Variants in PHF24 observed in about 807,000 individuals in gnomAD.
PHF24 encodes the protein PHD finger protein 24.
Under a neutral mutation model 42.6 loss-of-function variants are expected in PHF24, and 25 were observed. That is an observed-to-expected ratio of 0.59 (90% CI 0.43 to 0.82). The LOEUF (loss-of-function observed/expected upper bound fraction) is 0.82. Ranked by LOEUF, PHF24 falls within the 40% of genes least tolerant of loss-of-function variation. The pLI is 0.00. For missense variants in PHF24, 470 were observed against 538.1 expected (o/e 0.87, Z 1.25); for synonymous variants, 185 against 204.8 (o/e 0.90, Z 0.83).
At chr9:34,978,085 G>A in exon 8 of PHF24, 1 of 1,614,132 alleles carries the variant, frequency 6.2e-7, no homozygotes, top group Non-Finnish European at 8.5e-7. Context: ...CAACAGCGCA[G>A]CCATTCACCT....
At chr9:34,835,918 A>C in the PHF24 span, 1 of 792,504 alleles carries the variant, frequency 1.3e-6, no homozygotes, top group Non-Finnish European at 2.2e-6. Flanking sequence ...ACTCCTCGAC[A>C]AAGTTGGGGA....
the PHF24 span, among the ~76,000 whole-genome samples, chr9:34,742,681 T>C: frequency 0.96 from 146,572 of 152,168 alleles, 70,854 homozygotes; most frequent in East Asian, 1. Context: ...CCTCCTGCCT[T>C]GGCCTCCCAA....
chr9:34,870,837 A>G, the PHF24 span, among the ~76,000 whole-genome samples: 2 of 152,218 alleles, frequency 1.3e-5, no homozygotes, highest in Non-Finnish European at 2.9e-5. Flanking sequence ...TGGACATACT[A>G]AAGTTTATTC....
chr9:34,921,177 G>T, the PHF24 span, among the ~76,000 whole-genome samples: 3 of 147,576 alleles, frequency 2.0e-5, no homozygotes, highest in East Asian at 4.0e-4. Context: ...ATACCCAGTT[G>T]TTTTTTTTTT....
the PHF24 span, among the ~76,000 whole-genome samples, chr9:34,774,113 A>T: frequency 6.6e-6 from 1 of 152,312 alleles, no homozygotes; most frequent in South Asian, 2.1e-4. Context: ...TGAGTCAGAG[A>T]CCTAAATGTA....
the PHF24 span, among the ~76,000 whole-genome samples, chr9:34,913,146 AG>A: frequency 2.0e-5 from 3 of 152,098 alleles, no homozygotes; most frequent in African/African-American, 7.2e-5. Context: ...TGAAAAACAG[AG>A]AAAAAAAAAT....
At chr9:34,681,068 A>G in the PHF24 span, 1 of 152,208 alleles carries the variant, frequency 6.6e-6, no homozygotes, top group Non-Finnish European at 1.5e-5. Context: ...TTTAAGCAAG[A>G]ATTTCCCTTG....
chr9:34,715,285 T>C, the PHF24 span, among the ~76,000 whole-genome samples: 1 of 151,818 alleles, frequency 6.6e-6, no homozygotes, highest in Non-Finnish European at 1.5e-5. Flanking sequence ...TGAAGCAGGG[T>C]AGAAGAGAGT....
At chr9:34,718,395 A>G in the PHF24 span, among the ~76,000 whole-genome samples, 1 of 151,934 alleles carries the variant, frequency 6.6e-6, no homozygotes, top group East Asian at 1.9e-4. Context: ...GAATGCACAG[A>G]CCTCTGCAAG....
the PHF24 span, among the ~76,000 whole-genome samples, chr9:34,875,940 A>ACTCTCTCTCTCTCT: frequency 4.5e-5 from 4 of 89,220 alleles, no homozygotes; most frequent in African/African-American, 1.8e-4. Flanking sequence ...ACACACACAC[A>ACTCTCTCTCTCTCT]CACACACACA....
the PHF24 span, among the ~76,000 whole-genome samples, chr9:34,851,857 G>A: frequency 6.6e-6 from 1 of 152,030 alleles, no homozygotes; most frequent in African/African-American, 2.4e-5. Context: ...TTTACATCTT[G>A]TCTTTTAACT....
chr9:34,906,584 C>T, the PHF24 span, among the ~76,000 whole-genome samples: 1 of 142,832 alleles, frequency 7.0e-6, no homozygotes. Flanking sequence ...GCAGAGTTTG[C>T]AGTGAGCCGA....
the PHF24 span, among the ~76,000 whole-genome samples, chr9:34,909,819 T>A: frequency 6.6e-6 from 1 of 152,162 alleles, no homozygotes. Flanking sequence ...AGACGGGGTT[T>A]CACTGTGTTA....
chr9:34,730,666 C>G, the PHF24 span, among the ~76,000 whole-genome samples: 1 of 152,232 alleles, frequency 6.6e-6, no homozygotes, highest in African/African-American at 2.4e-5. Context: ...CTTATATACT[C>G]ATTCGTAAGG....
chr9:34,942,513 A>C, the PHF24 span, among the ~76,000 whole-genome samples: 68,189 of 152,032 alleles, frequency 0.45, 15,890 homozygotes, highest in Middle Eastern at 0.52. Context: ...GGTTCTGCAA[A>C]ATACACAGGT....
At chr9:34,751,514 A>T in the PHF24 span, among the ~76,000 whole-genome samples, 22 of 152,364 alleles carry the variant, frequency 1.4e-4, no homozygotes, top group Non-Finnish European at 2.9e-4. Flanking sequence ...AATTGTAAAT[A>T]TATATTCACC....
the PHF24 span, among the ~76,000 whole-genome samples, chr9:34,672,126 C>G: frequency 2.0e-5 from 3 of 152,106 alleles, no homozygotes; most frequent in Non-Finnish European, 4.4e-5. Context: ...TTTGTTTATG[C>G]AGACCACTTT....
chr9:34,741,863 G>A, the PHF24 span, among the ~76,000 whole-genome samples: 1 of 152,144 alleles, frequency 6.6e-6, no homozygotes, highest in Non-Finnish European at 1.5e-5. Context: ...AAGACAAACA[G>A]TGCAGCTTAA....
At chr9:34,741,346 CTTTTCTTTTTCT>C in the PHF24 span, among the ~76,000 whole-genome samples, 8 of 151,870 alleles carry the variant, frequency 5.3e-5, no homozygotes, top group South Asian at 6.2e-4. Flanking sequence ...TATTTCTTTT[CTTTTCTTTTTCT>C]TTTTCTTTTT....
Sources: gnomAD v4.1 joint callset for allele counts (sites outside exome capture counted in the v4.1 genomes callset) on GRCh38, gnomAD v4.1.1 for gene constraint, MANE v1.5 for transcripts, NCBI Gene and HGNC (gene_info 2026-07-23, HGNC 2026-07-21) for gene names.